Variants in RANBP17 observed in about 807,000 individuals in gnomAD.
The protein encoded by RANBP17 is RAN binding protein 17.
Under a neutral mutation model 141.2 loss-of-function variants are expected in RANBP17, and 158 were observed. That is an observed-to-expected ratio of 1.12 (90% CI 0.98 to 1.28). RANBP17 has a LOEUF of 1.28. RANBP17 is among the 50% of genes most tolerant of loss of function. RANBP17 has a pLI of 0.00. For synonymous variants in RANBP17, 430 were observed against 450.0 expected (o/e 0.96, Z 0.56); for missense variants, 1,438 against 1,290.7 (o/e 1.11, Z -1.75).
Position 170,953,670 on chromosome 5 carries a change from G to A in RANBP17, c.1542G>A (p.Glu514=), listed in dbSNP as rs1202764949. 6.2e-7 allele frequency: 1 copy of A among 1,609,252 alleles called. No individual in the cohort carries two copies. Among genetic ancestry groups the A allele is most frequent in the Non-Finnish European group, 8.5e-7 (1 of 1,176,014 alleles). Residue 514 remains glutamate, a synonymous_variant, in exon 13 of 28, where the codon GAG becomes GAA. Coordinates refer to ENST00000523189, the MANE Select transcript of RANBP17 (RefSeq NM_022897.5). ...GATTAACATATACCAGTACAGATGAGCATGATGCTATGGATGGAGAATTAT... is the reference window on the plus strand; with the variant it reads ...GATTAACATATACCAGTACAGATGAACATGATGCTATGGATGGAGAATTAT... ...GGRLTYTSTD[E]HDAMDGELSC...
intron 14 of RANBP17, among the ~76,000 whole-genome samples, chr5:171,032,181 A>G (rs1271325729): frequency 6.6e-6 from 1 of 152,094 alleles, no homozygotes; most frequent in Non-Finnish European, 1.5e-5. Context: ...AAGCAGTCTG[A>G]AGCCCATAAG....
chr5:171,237,390 G>T (rs1383483555), intron 22 of RANBP17, among the ~76,000 whole-genome samples: 1 of 152,144 alleles, frequency 6.6e-6, no homozygotes, highest in African/African-American at 2.4e-5. Flanking sequence ...TACTGCTACA[G>T]CAAGTACAAG....
chr5:171,197,733 C>T (rs1017334771), intron 18 of RANBP17, among the ~76,000 whole-genome samples: 1 of 152,086 alleles, frequency 6.6e-6, no homozygotes, highest in Non-Finnish European at 1.5e-5. Context: ...CAAGGCAGAC[C>T]GGTACAATAG....
At chr5:170,931,490 T>C (rs745581386) in intron 12 of RANBP17, among the ~76,000 whole-genome samples, 5 of 152,226 alleles carry the variant, frequency 3.3e-5, no homozygotes, top group Non-Finnish European at 7.3e-5. Flanking sequence ...CCCATGCCTA[T>C]GTCCTGAATG....
chr5:170,997,034 T>C (rs1490421117), intron 14 of RANBP17, among the ~76,000 whole-genome samples: 1 of 152,126 alleles, frequency 6.6e-6, no homozygotes, highest in African/African-American at 2.4e-5. Flanking sequence ...ATGGAGGTAA[T>C]TGGATCATGG....
chr5:170,945,644 A>C (rs1774690623), intron 12 of RANBP17, among the ~76,000 whole-genome samples: 1 of 152,156 alleles, frequency 6.6e-6, no homozygotes, highest in South Asian at 2.1e-4. Context: ...AGAAATATAA[A>C]AAATTACATG....
intron 3 of RANBP17, among the ~76,000 whole-genome samples, chr5:170,888,686 A>G (rs1769357385): frequency 6.6e-6 from 1 of 152,084 alleles, no homozygotes; most frequent in African/African-American, 2.4e-5. Flanking sequence ...ATCTATATGC[A>G]TTCTATTTCT....
intron 14 of RANBP17, among the ~76,000 whole-genome samples, chr5:171,007,419 G>T (rs1478861120): frequency 6.6e-6 from 1 of 152,110 alleles, no homozygotes; most frequent in Non-Finnish European, 1.5e-5. Flanking sequence ...AGAAGAGTTG[G>T]AGCCTGATTC....
At chr5:170,977,862 G>A (rs1260267830) in intron 14 of RANBP17, among the ~76,000 whole-genome samples, 1 of 152,008 alleles carries the variant, frequency 6.6e-6, no homozygotes, top group Non-Finnish European at 1.5e-5. Context: ...GGGTAGTCAT[G>A]GACAAAAGGT....
chr5:171,072,583 C>G lies in RANBP17; in HGVS notation c.1711-97547C>G, dbSNP rs60963168. 1.5e-4 allele frequency among the ~76,000 whole-genome samples: 23 copies of G among 152,168 alleles called. 2 individuals carry two copies. The East Asian group carries it at 4.4e-3, about 29-fold the overall frequency. Reference sequence around the variant, plus strand: ...TGGAAATTAAAATCACAATTAGATGCTATGTCATAGTTGTTAGAATTGTTA... The same window carrying G: ...TGGAAATTAAAATCACAATTAGATGGTATGTCATAGTTGTTAGAATTGTTA... On this transcript the variant is annotated intron_variant, in intron 14 of 27. Transcript: ENST00000523189.
chr5:171,242,577 A>T, intron 23 of RANBP17, 105 bp from the exon 24 acceptor site: 1 of 1,213,038 alleles, frequency 8.2e-7, no homozygotes, highest in Non-Finnish European at 1.2e-6. Context: ...CCTTGTGTTT[A>T]AATAAGTTTA....
rs543946842 is a variant in RANBP17, at chr5:171,183,354, C to T, written c.1962C>T (p.Asp654=). The change falls in exon 18 of 28, where the codon GAC becomes GAT. Residue 654 remains aspartate (D), a synonymous_variant. Coordinates refer to ENST00000523189, the MANE Select transcript of RANBP17 (RefSeq NM_022897.5). The part of the protein sequence containing the change: ...SEHFPFLGIS[D]NHSLSDFRCR... ...ACTTCCCTTTTCTTGGCATCAGTGA[C>T]AATCATAGTCTCAGCGACTTCAGGT... 1 of 1,614,022 alleles carries T rather than the reference C, an allele frequency of 6.2e-7. No individual in the cohort carries two copies. Among genetic ancestry groups the T allele is most frequent in the Non-Finnish European group, 8.5e-7 (1 of 1,179,894 alleles).
At chr5:170,965,247 T>A (rs1328274757) in intron 13 of RANBP17, among the ~76,000 whole-genome samples, 4 of 25,366 alleles carry the variant, frequency 1.6e-4, no homozygotes, top group Non-Finnish European at 4.4e-4. Context: ...ATGGGGTTGT[T>A]TTTTTTTTTC....
chr5:170,936,525 A>G (rs1001360430), intron 12 of RANBP17, among the ~76,000 whole-genome samples: 6 of 152,000 alleles, frequency 3.9e-5, no homozygotes, highest in African/African-American at 1.4e-4. Context: ...TTAAGTTACA[A>G]ATATTTAGAG....
intron 14 of RANBP17, among the ~76,000 whole-genome samples, chr5:171,052,596 G>A (rs371328438): frequency 2.0e-5 from 3 of 152,170 alleles, no homozygotes; most frequent in East Asian, 1.9e-4. Flanking sequence ...CTGTTCTTAC[G>A]CTATTATCAC....
intron 24 of RANBP17, among the ~76,000 whole-genome samples, chr5:171,246,244 G>C (rs894843591): frequency 2.0e-5 from 3 of 152,188 alleles, no homozygotes; most frequent in Non-Finnish European, 2.9e-5. Context: ...TTGGAGAGCT[G>C]TAGAACTCTC....
intron 14 of RANBP17, among the ~76,000 whole-genome samples, chr5:170,989,807 AATAT>A (rs981276379): frequency 2.0e-5 from 3 of 151,722 alleles, no homozygotes; most frequent in African/African-American, 7.2e-5. Flanking sequence ...CTTACTGAAA[AATAT>A]ATATGACTGT....
chr5:171,077,443 A>G (rs1436999590), intron 14 of RANBP17, among the ~76,000 whole-genome samples: 2 of 152,218 alleles, frequency 1.3e-5, no homozygotes, highest in Non-Finnish European at 2.9e-5. Context: ...CAGGAAATAC[A>G]GTGCCAAAGG....
chr5:171,041,195 T>G (rs1345876251), intron 14 of RANBP17, among the ~76,000 whole-genome samples: 6 of 151,972 alleles, frequency 3.9e-5, no homozygotes, highest in Middle Eastern at 3.4e-3. Flanking sequence ...AGAGAGAGGG[T>G]GGGAAAGCTA....
Sources: allele counts gnomAD v4.1 joint callset (sites outside exome capture counted in the v4.1 genomes callset), GRCh38; gene constraint gnomAD v4.1.1; transcripts MANE v1.5; gene names NCBI Gene and HGNC (gene_info 2026-07-23, HGNC 2026-07-21).